LSAMP: variants seen among roughly 807,000 people sequenced by gnomAD.
The protein encoded by LSAMP is limbic system associated membrane protein, also known as limbic system-associated membrane protein.
LSAMP carries 7 observed loss-of-function variants against 38.6 expected under a neutral mutation model. The observed-to-expected ratio is 0.18, with a 90% CI of 0.10 to 0.34. The LOEUF is 0.34. Among genes scored for constraint, LSAMP ranks in the 10% least tolerant of loss-of-function variants. The pLI, the probability that LSAMP is intolerant of heterozygous loss-of-function variation, is 1.00. For missense variants in LSAMP, 313 were observed against 420.0 expected, an observed-to-expected ratio of 0.75 and a Z score of 2.23; for synonymous variants, 154 against 166.8, an observed-to-expected ratio of 0.92 and a Z score of 0.59.
At chr3:116,142,564 A>G (rs1709393988) in intron 1 of LSAMP, among the ~76,000 whole-genome samples, 1 of 151,950 alleles carries the variant, frequency 6.6e-6, no homozygotes, top group African/African-American at 2.4e-5. Context: ...TTCATTTATA[A>G]TTTTCATACA....
chr3:116,019,494 G>A (rs373716736), intron 3 of LSAMP, 21 bp downstream of exon 3: 109 of 1,609,140 alleles, frequency 6.8e-5, no homozygotes, highest in Middle Eastern at 6.6e-4. Context: ...GTGGCATATT[G>A]GAACCTGGAG....
chr3:116,409,887 A>G (rs1262280910), intron 1 of LSAMP, among the ~76,000 whole-genome samples: 1 of 152,034 alleles, frequency 6.6e-6, no homozygotes, highest in African/African-American at 2.4e-5. Flanking sequence ...GGAAAAAGAG[A>G]ATTATTGGCA....
At chr3:116,304,004 A>G (rs2047448787) in intron 1 of LSAMP, among the ~76,000 whole-genome samples, 1 of 152,098 alleles carries the variant, frequency 6.6e-6, no homozygotes, top group African/African-American at 2.4e-5. Flanking sequence ...AATCATCCTG[A>G]AGGGGTAATA....
At chr3:116,276,487 G>A (rs1447774252) in intron 1 of LSAMP, among the ~76,000 whole-genome samples, 2 of 151,636 alleles carry the variant, frequency 1.3e-5, no homozygotes, top group African/African-American at 4.8e-5. Flanking sequence ...GGACACGAAG[G>A]CATAAGAATG....
At chr3:115,812,871 C>T (rs1227679903) in intron 6 of LSAMP, among the ~76,000 whole-genome samples, 1 of 152,108 alleles carries the variant, frequency 6.6e-6, no homozygotes, top group African/African-American at 2.4e-5. Flanking sequence ...CTAGTCTTAT[C>T]ATTTTATTTG....
chr3:116,292,795 A>G (rs981111882), intron 1 of LSAMP, among the ~76,000 whole-genome samples: 7 of 152,304 alleles, frequency 4.6e-5, no homozygotes, highest in Non-Finnish European at 7.4e-5. Flanking sequence ...TTGCTCACAT[A>G]GTTTCTTTGT....
intron 3 of LSAMP, among the ~76,000 whole-genome samples, chr3:115,986,036 C>A (rs570183136): frequency 6.6e-6 from 1 of 152,044 alleles, no homozygotes; most frequent in East Asian, 1.9e-4. Context: ...GAGAGAATTG[C>A]CAAGTTTGCA....
At chr3:116,401,002 T>C (rs562475878) in intron 1 of LSAMP, among the ~76,000 whole-genome samples, 3 of 152,240 alleles carry the variant, frequency 2.0e-5, no homozygotes, top group East Asian at 3.9e-4. Context: ...TAAACTCAGA[T>C]CCCAACAAGA....
intron 3 of LSAMP, among the ~76,000 whole-genome samples, chr3:115,853,333 T>C (rs760478198): frequency 2.6e-5 from 4 of 152,226 alleles, no homozygotes; most frequent in Non-Finnish European, 4.4e-5. Flanking sequence ...ATGGGCCAGA[T>C]CCATGAGAAT....
intron 1 of LSAMP, among the ~76,000 whole-genome samples, chr3:116,379,006 C>CAT (rs2107799370): frequency 6.6e-6 from 1 of 151,106 alleles, no homozygotes; most frequent in Non-Finnish European, 1.5e-5. Context: ...CACACACACA[C>CAT]ACACACACAC....
intron 2 of LSAMP, among the ~76,000 whole-genome samples, chr3:116,063,139 C>T (rs529059158): frequency 6.6e-6 from 1 of 152,008 alleles, no homozygotes; most frequent in South Asian, 2.1e-4. Flanking sequence ...ACCTTGGATT[C>T]AGGGAGAGTA....
chr3:115,887,942 T>G (rs1936497672), intron 3 of LSAMP, among the ~76,000 whole-genome samples: 1 of 151,908 alleles, frequency 6.6e-6, no homozygotes, highest in Non-Finnish European at 1.5e-5. Flanking sequence ...AAATATAAAA[T>G]CAAACTATTG....
chr3:116,180,601 T>C (rs1321503250), intron 1 of LSAMP, among the ~76,000 whole-genome samples: 1 of 152,052 alleles, frequency 6.6e-6, no homozygotes, highest in East Asian at 1.9e-4. Context: ...GTTGAGGAAG[T>C]AGAGGAATAA....
chr3:116,170,802 CTT>C (rs932382061), intron 1 of LSAMP, among the ~76,000 whole-genome samples: 3 of 152,048 alleles, frequency 2.0e-5, no homozygotes, highest in African/African-American at 7.2e-5. Flanking sequence ...ACAATGAAGA[CTT>C]TTATTATCTC....
chr3:116,411,838 G>A (rs1025935356), intron 1 of LSAMP, among the ~76,000 whole-genome samples: 4 of 151,900 alleles, frequency 2.6e-5, no homozygotes, highest in Non-Finnish European at 5.9e-5. Context: ...GGTCATGAGG[G>A]CTCTGACTTC....
intron 1 of LSAMP, among the ~76,000 whole-genome samples, chr3:116,278,543 A>G (rs2047083624): frequency 6.6e-6 from 1 of 152,200 alleles, no homozygotes. Context: ...TGATGGGCAC[A>G]ATTATGACTG....
At chr3:115,946,072 C>T (rs771761264) in intron 3 of LSAMP, among the ~76,000 whole-genome samples, 99 of 152,092 alleles carry the variant, frequency 6.5e-4, no homozygotes, top group Middle Eastern at 3.4e-3. Context: ...AAATTAATAC[C>T]GTAAGGAGAC....
intron 6 of LSAMP, chr3:115,834,658 C>G: frequency 1.2e-6 from 1 of 855,598 alleles, no homozygotes; most frequent in Non-Finnish European, 1.5e-6. Context: ...ATGTATCTTT[C>G]TCATGTTTAG....
intron 3 of LSAMP, among the ~76,000 whole-genome samples, chr3:115,876,801 T>C (rs567674051): frequency 4.9e-4 from 74 of 152,126 alleles, no homozygotes; most frequent in Non-Finnish European, 1.8e-4. Flanking sequence ...GAAAAATATG[T>C]TGGGATTCTA....
Sources: allele counts gnomAD v4.1 joint callset (sites outside exome capture counted in the v4.1 genomes callset), GRCh38; gene constraint gnomAD v4.1.1; transcripts MANE v1.5; gene names NCBI Gene and HGNC (gene_info 2026-07-23, HGNC 2026-07-21).